The following ABCC12 variants were observed in gnomAD, a reference collection of about 807,000 sequenced individuals.
ABCC12 encodes ATP binding cassette subfamily C member 12.
ABCC12 carries 142 observed loss-of-function variants against 151.1 expected under a neutral mutation model. That is an observed-to-expected ratio of 0.94 (90% CI 0.82 to 1.08). ABCC12 has a LOEUF of 1.08. Ranked by LOEUF, ABCC12 falls within the 50% of genes least tolerant of loss-of-function variation. The pLI is 0.00. For synonymous variants in ABCC12, 645 were observed against 646.4 expected, an observed-to-expected ratio of 1.00 and a Z score of 0.03; for missense variants, 1,638 against 1,691.1, an observed-to-expected ratio of 0.97 and a Z score of 0.55.
In ABCC12 at chr16:48,152,646, GAATTTC is replaced by G. The variant is rs940916733; in HGVS notation, c.-51+964_-51+969del. On this transcript the variant is annotated intron_variant, in intron 2 of 30. Coordinates refer to ENST00000311303, the MANE Select transcript of ABCC12 (RefSeq NM_001393797.1). Reference sequence around the variant, plus strand: ...ACATGGCAAACCAGCCTCTCAGGGAGAATTTCCCTCTGGCCCACCAGATCGGGCCTC... The same window carrying G: ...ACATGGCAAACCAGCCTCTCAGGGAGCCTCTGGCCCACCAGATCGGGCCTC... 2.6e-5 allele frequency among the ~76,000 whole-genome samples: 4 copies of G among 152,352 alleles called. No individual in the cohort carries two copies. The East Asian group carries it at 5.8e-4, about 22-fold the overall frequency.
In ABCC12 at chr16:48,088,684, C is replaced by T; in HGVS notation, c.3336G>A (p.Lys1112=). ...TGATCTCCCCACGGCTGGGCCAGTC[C>T]TTGGGACAGGTCCCCACTTTGAGGG... ...THPLKVGTCP[K]DWPSRGEITF... The change falls in exon 26 of 31, where the codon AAG becomes AAA. Residue 1112 remains lysine (K), a synonymous_variant. Transcript: ENST00000311303. 1 of 1,614,164 alleles carries T rather than the reference C, an allele frequency of 6.2e-7. No individual in the cohort carries two copies. Among genetic ancestry groups the T allele is most frequent in the African/African-American group, 1.3e-5 (1 of 75,060 alleles).
chr16:48,089,502 G>C (rs1449498356), intron 25 of ABCC12, among the ~76,000 whole-genome samples: 2 of 152,154 alleles, frequency 1.3e-5, no homozygotes, highest in African/African-American at 2.4e-5. Context: ...AAGGAGTAGA[G>C]CAGCTTGGCT....
intron 4 of ABCC12, among the ~76,000 whole-genome samples, chr16:48,142,828 T>A (rs1964863442): frequency 6.6e-6 from 1 of 152,158 alleles, no homozygotes; most frequent in Non-Finnish European, 1.5e-5. Flanking sequence ...TAGATTAAAA[T>A]AAAACATGAT....
At chr16:48,129,931 C>T (rs1252671519) in intron 10 of ABCC12, among the ~76,000 whole-genome samples, 1 of 152,176 alleles carries the variant, frequency 6.6e-6, no homozygotes, top group Non-Finnish European at 1.5e-5. Flanking sequence ...GTGTACCTTC[C>T]AATCCAATCT....
intron 23 of ABCC12, 61 bp from the exon 24 acceptor site, chr16:48,096,963 G>A (rs1368765520): frequency 2.5e-6 from 4 of 1,608,662 alleles, no homozygotes; most frequent in Admixed American, 1.7e-5. Flanking sequence ...AAAAGCAGGA[G>A]ATCAGGTTGT....
rs141343813 is a variant in ABCC12 at position 48,082,981 on chromosome 16, A to G, written c.*734T>C. 1.3e-5 allele frequency: 2 copies of G among 152,192 alleles called. No homozygotes were observed. The highest frequency in any genetic ancestry group is 1.3e-4 in the Admixed American group (2 of 15,286). 9.4% of individuals were successfully genotyped at this position (152,192 alleles called of 1,614,324 possible). A position where few individuals can be genotyped will look rare whatever the true frequency, so the allele number is the denominator to read the frequency against. ...TACTGAGTGAAGGGAGAAGGCAACA[A>G]GGGTCTATTGGAGGAAATAGTATGG... On this transcript the variant is annotated 3_prime_UTR_variant, in exon 31 of 31. Transcript: ENST00000311303.
intron 2 of ABCC12, among the ~76,000 whole-genome samples, chr16:48,152,596 T>C (rs774256236): frequency 5.9e-5 from 9 of 152,120 alleles, no homozygotes; most frequent in Non-Finnish European, 1.0e-4. Context: ...CTGAAATTAT[T>C]TGGGGGAGAA....
intron 13 of ABCC12, among the ~76,000 whole-genome samples, chr16:48,117,590 GGAA>G (rs1477014785): frequency 4.6e-5 from 7 of 152,216 alleles, no homozygotes; most frequent in Non-Finnish European, 1.0e-4. Context: ...CGCCAAGCAG[GGAA>G]GAAGACAACG....
At chr16:48,122,630 G>A (rs977132174) in intron 12 of ABCC12, among the ~76,000 whole-genome samples, 2 of 152,168 alleles carry the variant, frequency 1.3e-5, no homozygotes, top group African/African-American at 4.8e-5. Flanking sequence ...GGGTCCAGGG[G>A]CAAAGAAGGA....
chr16:48,152,779 C>T (rs181157273), intron 2 of ABCC12, among the ~76,000 whole-genome samples: 1 of 152,268 alleles, frequency 6.6e-6, no homozygotes, highest in Non-Finnish European at 1.5e-5. Context: ...TGAGAAAATA[C>T]CAGATGAACC....
In ABCC12 at chr16:48,140,754, G is replaced by C; in HGVS notation, c.590C>G (p.Ala197Gly). 6.2e-7 allele frequency: 1 copy of C among 1,614,192 alleles called. No homozygotes were observed. Among genetic ancestry groups the C allele is most frequent in the Non-Finnish European group, 8.5e-7 (1 of 1,180,030 alleles). Residue 197 changes from alanine to glycine, a missense_variant, in exon 6 of 31, where the codon GCG becomes GGG. Physicochemically the swap from Ala to Gly is moderately conservative, Grantham distance 60 (BLOSUM62 0). Transcript: ENST00000311303. ...GTTTTCAAAAACCAAGGTGGAGAGCGCCACCTTCAACCGGATGGCCGTGCG... is the reference window on the plus strand; with the variant it reads ...GTTTTCAAAAACCAAGGTGGAGAGCCCCACCTTCAACCGGATGGCCGTGCG... ...NYRTAIRLKV[A>G]LSTLVFENLV...
chr16:48,146,062 CT>C (rs1342839577), intron 3 of ABCC12, among the ~76,000 whole-genome samples: 10 of 151,542 alleles, frequency 6.6e-5, no homozygotes, highest in African/African-American at 2.5e-4. Context: ...TTGTAAAGCA[CT>C]TGGACAGGTC....
chr16:48,091,580 C>A (rs149279735), intron 24 of ABCC12, among the ~76,000 whole-genome samples: 1 of 152,272 alleles, frequency 6.6e-6, no homozygotes, highest in African/African-American at 2.4e-5. Flanking sequence ...CAGGGTCTTG[C>A]ATCTCAGAGC....
At chr16:48,121,518 G>C in intron 13 of ABCC12, 198 bp downstream of exon 13, 1 of 586,626 alleles carries the variant, frequency 1.7e-6, no homozygotes, top group Non-Finnish European at 2.9e-6. Context: ...GTGTGCAGTC[G>C]CAGGTCTGCA....
rs145019966 is a variant in ABCC12 at position 48,155,436 on chromosome 16, T to G, written c.-320+405A>C. Among the ~76,000 whole-genome samples the G allele has an allele frequency of 3.6e-3, 551 of 151,718 alleles. 3 individuals are homozygous for G. Among genetic ancestry groups the G allele is most frequent in the African/African-American group, 0.013 (522 of 41,422 alleles). Reference sequence around the variant, plus strand: ...TCATATGAGAACTGCAGTAAAGCTTTCCAGGTCTTTTTTTTTGGGGGGGAG... The same window carrying G: ...TCATATGAGAACTGCAGTAAAGCTTGCCAGGTCTTTTTTTTTGGGGGGGAG... On this transcript the variant is annotated intron_variant, in intron 1 of 30. Coordinates refer to ENST00000311303, the MANE Select transcript of ABCC12 (RefSeq NM_001393797.1).
At position 48,111,656 on chromosome 16, in the gene ABCC12, C is replaced by T. The variant is rs903233512; in HGVS notation, c.2131G>A (p.Glu711Lys). Reference sequence around the variant, plus strand: ...ACCATTGCTGCATTGTAAAGGTGTTCAGGATCCTGGAGACAAAATGAAATT... The same window carrying T: ...ACCATTGCTGCATTGTAAAGGTGTTTAGGATCCTGGAGACAAAATGAAATT... ...NLRGLQFKDP[E>K]HLYNAAMVEA... The change falls in exon 17 of 31, where the codon GAA becomes AAA. Residue 711 changes from glutamate to lysine, a missense_variant. By Grantham distance (56) the Glu-to-Lys change is moderately conservative (BLOSUM62 1). Coordinates refer to ENST00000311303, the MANE Select transcript of ABCC12 (RefSeq NM_001393797.1). 2.5e-6 allele frequency: 4 copies of T among 1,614,006 alleles called. No homozygotes were observed. Among genetic ancestry groups the T allele is most frequent in the Non-Finnish European group, 3.4e-6 (4 of 1,180,034 alleles).
rs143814646 is a variant in ABCC12, at chr16:48,141,368, CAG to C, written c.276-17_276-16del. Reference sequence around the variant, plus strand: ...GGACTCGAAATCTGTGATGAAAAAACAGAAGCATAAAATGGATTGGCACTTCT... The same window carrying C: ...GGACTCGAAATCTGTGATGAAAAAACAAGCATAAAATGGATTGGCACTTCT... On this transcript the variant is annotated splice_polypyrimidine_tract_variant and intron_variant, in intron 4 of 30. Coordinates refer to ENST00000311303, the MANE Select transcript of ABCC12 (RefSeq NM_001393797.1). The C allele has an allele frequency of 6.0e-3, 9,611 of 1,613,728 alleles. 455 individuals are homozygous for C. The African/African-American group carries it at 0.11, about 19-fold the overall frequency.
rs113779585 is a variant in ABCC12, at chr16:48,136,851, C to T, written c.979+1377G>A. On this transcript the variant is annotated intron_variant, in intron 8 of 30. Coordinates refer to ENST00000311303, the MANE Select transcript of ABCC12 (RefSeq NM_001393797.1). ...TCTAGAAACAAACTAAGGCAGACAC[C>T]GCTAGAGCTGAGTTTCCTAAGGTTA... Among the ~76,000 whole-genome samples the T allele has an allele frequency of 6.5e-3, 988 of 152,210 alleles. 5 individuals carry two copies. The highest frequency in any genetic ancestry group is 0.023 in the African/African-American group (955 of 41,498).
chr16:48,096,758 T>C lies in ABCC12; in HGVS notation c.3183A>G (p.Ser1061=), dbSNP rs148538340. The change falls in exon 24 of 31, where the codon TCA becomes TCG. Residue 1061 remains serine (S), a synonymous_variant. Coordinates refer to ENST00000311303, the MANE Select transcript of ABCC12 (RefSeq NM_001393797.1). ...CACCAGGCATTACCTGGATGATGTA[T>C]GACAATGACAGGCCTTTGGATGAAG... ...ISTSSKGLSL[S]YIIQLSGLLQ... 5.2e-5 allele frequency: 84 copies of C among 1,613,802 alleles called. No individual in the cohort carries two copies. Among genetic ancestry groups the C allele is most frequent in the Non-Finnish European group, 6.6e-5 (78 of 1,179,882 alleles).
Sources: gnomAD v4.1 joint callset for allele counts (sites outside exome capture counted in the v4.1 genomes callset) on GRCh38, gnomAD v4.1.1 for gene constraint, MANE v1.5 for transcripts, NCBI Gene and HGNC (gene_info 2026-07-23, HGNC 2026-07-21) for gene names.